The following FSTL5 variants were observed in gnomAD, a reference collection of about 807,000 sequenced individuals.
FSTL5 encodes the protein follistatin like 5.
Under a neutral mutation model 89.1 loss-of-function variants are expected in FSTL5, and 62 were observed. The ratio of observed to expected loss-of-function variants is 0.70; its 90% confidence interval spans 0.57 to 0.86. The LOEUF (loss-of-function observed/expected upper bound fraction) is 0.86, where lower values mean the gene tolerates loss of function less well. Among genes scored for constraint, FSTL5 ranks in the 40% least tolerant of loss-of-function variants. The pLI, the probability that FSTL5 is intolerant of heterozygous loss-of-function variation, is 0.00. For missense variants in FSTL5, 1,057 were observed against 1,001.6 expected, an observed-to-expected ratio of 1.06 and a Z score of -0.75; for synonymous variants, 383 against 346.2, an observed-to-expected ratio of 1.11 and a Z score of -1.18.
intron 15 of FSTL5, among the ~76,000 whole-genome samples, chr4:161,405,428 A>T (rs1731340688): frequency 6.6e-6 from 1 of 152,134 alleles, no homozygotes. Context: ...GGAATGAAAT[A>T]TTTACTGAAA....
intron 4 of FSTL5, among the ~76,000 whole-genome samples, chr4:161,785,321 C>A (rs182046154): frequency 1.3e-5 from 2 of 152,292 alleles, no homozygotes; most frequent in East Asian, 3.9e-4. Context: ...CTCAGGAGGA[C>A]AGCCTGCCTA....
At chr4:161,851,490 A>C (rs1259620855) in intron 4 of FSTL5, among the ~76,000 whole-genome samples, 1 of 152,298 alleles carries the variant, frequency 6.6e-6, no homozygotes, top group East Asian at 1.9e-4. Flanking sequence ...CGTAATGATA[A>C]ACTGCCAAAA....
chr4:161,629,803 C>T (rs1260596624), intron 7 of FSTL5, among the ~76,000 whole-genome samples: 1 of 152,114 alleles, frequency 6.6e-6, no homozygotes, highest in Non-Finnish European at 1.5e-5. Context: ...CATGTGTGAA[C>T]CTTTAGGCCT....
chr4:161,626,142 A>G (rs1001690587), intron 7 of FSTL5, among the ~76,000 whole-genome samples: 1 of 152,162 alleles, frequency 6.6e-6, no homozygotes, highest in African/African-American at 2.4e-5. Context: ...TCATTGATGA[A>G]GCTGACTACA....
At chr4:161,883,535 G>C (rs1732702801) in intron 4 of FSTL5, among the ~76,000 whole-genome samples, 1 of 152,040 alleles carries the variant, frequency 6.6e-6, no homozygotes, top group Non-Finnish European at 1.5e-5. Flanking sequence ...ATTCCAATAA[G>C]TAGGGAAAGC....
chr4:161,614,602 G>A (rs1734774431), intron 7 of FSTL5, among the ~76,000 whole-genome samples: 1 of 152,128 alleles, frequency 6.6e-6, no homozygotes, highest in African/African-American at 2.4e-5. Flanking sequence ...TTATTAAGAG[G>A]AAAAATGCTT....
At chr4:161,620,678 A>G (rs1735090596) in intron 7 of FSTL5, among the ~76,000 whole-genome samples, 1 of 152,118 alleles carries the variant, frequency 6.6e-6, no homozygotes, top group Admixed American at 6.5e-5. Context: ...CAAAAACAAA[A>G]ACAAAAAAGT....
chr4:161,522,599 C>T (rs1441721289), intron 10 of FSTL5, among the ~76,000 whole-genome samples: 1 of 151,008 alleles, frequency 6.6e-6, no homozygotes, highest in African/African-American at 2.4e-5. Context: ...TTCCTGAAAA[C>T]TTATCTTTCC....
chr4:161,929,695 G>GTGTGTGTA (rs1553983488), intron 3 of FSTL5, among the ~76,000 whole-genome samples: 1 of 144,568 alleles, frequency 6.9e-6, no homozygotes, highest in Non-Finnish European at 1.5e-5. Context: ...GTGTGTGTGT[G>GTGTGTGTA]TGTGTGTACA....
intron 3 of FSTL5, among the ~76,000 whole-genome samples, chr4:162,030,259 C>T (rs1045639906): frequency 5.9e-5 from 9 of 151,798 alleles, no homozygotes; most frequent in African/African-American, 1.7e-4. Context: ...AAAATGCTGG[C>T]ATGTATGAAA....
intron 6 of FSTL5, among the ~76,000 whole-genome samples, chr4:161,689,445 A>G (rs1737855494): frequency 1.3e-5 from 2 of 152,136 alleles, no homozygotes; most frequent in Admixed American, 1.3e-4. Context: ...TAGACAATAT[A>G]AAAATCTTAT....
At chr4:161,558,752 T>C (rs1732482863) in intron 8 of FSTL5, among the ~76,000 whole-genome samples, 1 of 151,908 alleles carries the variant, frequency 6.6e-6, no homozygotes, top group Non-Finnish European at 1.5e-5. Flanking sequence ...ATGCTTCCTA[T>C]AAGTTCATTT....
chr4:161,860,394 T>C (rs951842155), intron 4 of FSTL5, among the ~76,000 whole-genome samples: 1 of 152,198 alleles, frequency 6.6e-6, no homozygotes, highest in Non-Finnish European at 1.5e-5. Flanking sequence ...AACGTTATCA[T>C]ATGCCATATT....
intron 4 of FSTL5, among the ~76,000 whole-genome samples, chr4:161,912,278 T>C (rs1733715377): frequency 6.6e-6 from 1 of 152,186 alleles, no homozygotes; most frequent in Non-Finnish European, 1.5e-5. Context: ...AGAAAATGAA[T>C]ATGGTAAGTG....
At chr4:161,516,606 AT>A (rs1730842211) in intron 10 of FSTL5, among the ~76,000 whole-genome samples, 1 of 12,352 alleles carries the variant, frequency 8.1e-5, no homozygotes, top group African/African-American at 1.7e-4. Context: ...TATATTTTAT[AT>A]AATAAATTAT....
chr4:162,112,748 T>C (rs1000136496), intron 1 of FSTL5, among the ~76,000 whole-genome samples: 2 of 149,902 alleles, frequency 1.3e-5, no homozygotes, highest in South Asian at 4.3e-4. Flanking sequence ...ACTGACTTTT[T>C]AGCTTTCTCA....
chr4:161,727,146 A>C (rs1739453061), intron 6 of FSTL5, among the ~76,000 whole-genome samples: 2 of 152,124 alleles, frequency 1.3e-5, no homozygotes, highest in South Asian at 2.1e-4. Context: ...CAAATGTGAA[A>C]ATTGCAATGG....
chr4:161,996,049 A>T (rs558829045), intron 3 of FSTL5, among the ~76,000 whole-genome samples: 3 of 152,332 alleles, frequency 2.0e-5, no homozygotes, highest in African/African-American at 7.2e-5. Context: ...TAAGGCCCAG[A>T]CAAACCAGAA....
At chr4:161,484,624 G>A (rs1432350401) in intron 12 of FSTL5, among the ~76,000 whole-genome samples, 2 of 152,048 alleles carry the variant, frequency 1.3e-5, no homozygotes, top group Non-Finnish European at 2.9e-5. Context: ...GCTTCACATT[G>A]GCTTTCATGA....
Sources: allele counts gnomAD v4.1 joint callset (sites outside exome capture counted in the v4.1 genomes callset), GRCh38; gene constraint gnomAD v4.1.1; transcripts MANE v1.5; gene names NCBI Gene and HGNC (gene_info 2026-07-23, HGNC 2026-07-21).